The following USP37 variants were observed in gnomAD, a reference collection of about 807,000 sequenced individuals.
The protein encoded by USP37 is ubiquitin carboxyl-terminal hydrolase 37.
A neutral mutation model predicts 124.0 loss-of-function variants in USP37; 27 were observed. The observed-to-expected ratio is 0.22, with a 90% CI of 0.16 to 0.30. The LOEUF is 0.30. Among genes scored for constraint, USP37 ranks in the 10% least tolerant of loss-of-function variants. The pLI, the probability that USP37 is intolerant of heterozygous loss-of-function variation, is 1.00. For synonymous variants in USP37, 365 were observed against 388.0 expected, an observed-to-expected ratio of 0.94 and a Z score of 0.70; for missense variants, 889 against 1,140.4, an observed-to-expected ratio of 0.78 and a Z score of 3.17.
At chr2:218,490,089 C>A (rs144122429) in intron 14 of USP37, among the ~76,000 whole-genome samples, 9 of 152,134 alleles carry the variant, frequency 5.9e-5, no homozygotes, top group Non-Finnish European at 1.2e-4. Flanking sequence ...CAATGGCTCA[C>A]GCCTGTAATC....
At chr2:218,504,325 T>C (rs1574895840) in intron 11 of USP37, among the ~76,000 whole-genome samples, 2 of 152,246 alleles carry the variant, frequency 1.3e-5, no homozygotes, top group South Asian at 2.1e-4. Context: ...ATTTCTAGTA[T>C]GCAGCACAGA....
At position 218,485,738 on chromosome 2, in the gene USP37, T is replaced by C. The variant is rs1277314568; in HGVS notation, c.1596A>G (p.Glu532=). The change falls in exon 16 of 26, where the codon GAA becomes GAG. Residue 532 remains glutamate (E), a synonymous_variant. Transcript: ENST00000258399. ...QDSLDLFFRA[E]ELEYSCEKCG... ...ACTTCTCACAAGAATACTCCAGTTC[T>C]TCGGCCTATAAAAAGAAGGAAAAAT... 3.7e-6 allele frequency: 6 copies of C among 1,609,636 alleles called. No individual in the cohort carries two copies. Among genetic ancestry groups the C allele is most frequent in the Middle Eastern group, 1.7e-4 (1 of 6,046 alleles).
intron 5 of USP37, among the ~76,000 whole-genome samples, chr2:218,552,629 A>C (rs952287687): frequency 6.9e-6 from 1 of 144,306 alleles, no homozygotes; most frequent in African/African-American, 2.6e-5. Flanking sequence ...GAAAAGAAAA[A>C]GTGCCTGTAA....
chr2:218,532,466 CAAAAA>C (rs35277725), intron 9 of USP37, among the ~76,000 whole-genome samples: 3 of 115,398 alleles, frequency 2.6e-5, no homozygotes, highest in East Asian at 2.7e-4. Flanking sequence ...GACTCTGTCT[CAAAAA>C]AAAAAAAAAA....
chr2:218,533,435 C>T (rs1691447937), intron 9 of USP37, among the ~76,000 whole-genome samples: 1 of 152,140 alleles, frequency 6.6e-6, no homozygotes, highest in Non-Finnish European at 1.5e-5. Flanking sequence ...ACATTTAAAA[C>T]ATCTACGTTT....
chr2:218,521,936 G>A (rs189144635), intron 10 of USP37, among the ~76,000 whole-genome samples: 6 of 152,132 alleles, frequency 3.9e-5, no homozygotes, highest in East Asian at 3.9e-4. Context: ...GTGCAGTGGC[G>A]TGATCACAGC....
intron 11 of USP37, among the ~76,000 whole-genome samples, chr2:218,505,204 A>G (rs907332823): frequency 2.0e-5 from 3 of 151,968 alleles, no homozygotes; most frequent in African/African-American, 7.3e-5. Context: ...TTTTTTGTAG[A>G]GATGTGGTTT....
chr2:218,496,121 C>T (rs1559185890), intron 13 of USP37, among the ~76,000 whole-genome samples, 171 bp from the exon 14 acceptor site: 1 of 151,994 alleles, frequency 6.6e-6, no homozygotes, highest in Non-Finnish European at 1.5e-5. Flanking sequence ...TGGTGAAATG[C>T]CATCTTTATT....
chr2:218,486,632 A>T (rs1691577986), intron 15 of USP37, among the ~76,000 whole-genome samples: 1 of 152,144 alleles, frequency 6.6e-6, no homozygotes, highest in African/African-American at 2.4e-5. Flanking sequence ...CGTGTTGGCC[A>T]GGCTGGTATT....
rs185482417 is a variant in USP37 at position 218,523,816 on chromosome 2, C to T, written c.863+6140G>A. 4.6e-5 allele frequency among the ~76,000 whole-genome samples: 7 copies of T among 152,264 alleles called. No homozygotes were observed. In the East Asian group the frequency reaches 1.3e-3, roughly 29 times the overall value. ...TGCAAATTATGACAATTCTGTTTTT[C>T]CCCTTTCCAATCCCCAAACCTCTTT... On this transcript the variant is annotated intron_variant, in intron 10 of 25. Coordinates refer to ENST00000258399, the MANE Select transcript of USP37 (RefSeq NM_020935.3).
At chr2:218,465,865 T>C in intron 21 of USP37, 145 bp downstream of exon 21, 1 of 1,080,030 alleles carries the variant, frequency 9.3e-7, no homozygotes, top group Non-Finnish European at 1.3e-6. Flanking sequence ...CTCAAACAAG[T>C]CTTTTTTTTC....
chr2:218,566,502 G>C (rs574062877), intron 1 of USP37, among the ~76,000 whole-genome samples: 1 of 152,192 alleles, frequency 6.6e-6, no homozygotes, highest in African/African-American at 2.4e-5. Flanking sequence ...GTCATATATG[G>C]TTGGTTTGGG....
intron 1 of USP37, among the ~76,000 whole-genome samples, chr2:218,564,619 G>T (rs1693485224): frequency 2.0e-5 from 3 of 152,104 alleles, no homozygotes; most frequent in Admixed American, 1.3e-4. Flanking sequence ...TATGCACTAG[G>T]TATCTTCTTA....
chr2:218,517,107 G>A (rs1277620431), intron 10 of USP37, among the ~76,000 whole-genome samples: 1 of 152,136 alleles, frequency 6.6e-6, no homozygotes, highest in African/African-American at 2.4e-5. Flanking sequence ...CAATATTTGT[G>A]TACTCATGCA....
rs755297464 is a variant in USP37 at position 218,474,832 on chromosome 2, T to A, written c.2097A>T (p.Gly699=). 1.4e-5 allele frequency: 22 copies of A among 1,614,002 alleles called. No homozygotes were observed. In the South Asian group the frequency reaches 2.3e-4, roughly 17 times the overall value. ...EPDKSELENS[G]FDRMSEEELL... ...GCTCTTCTTCGCTCATTCTGTCAAA[T>A]CCTGAGTTTTCCAATTCAGACTTGT... is the stretch of plus-strand genomic sequence containing the variant. The change falls in exon 20 of 26, where the codon GGA becomes GGT. Residue 699 remains glycine, a synonymous_variant. Transcript: ENST00000258399.
In USP37 at chr2:218,549,879, A is replaced by T; in HGVS notation, c.359T>A (p.Phe120Tyr). 1 of 1,612,510 alleles carries T rather than the reference A, an allele frequency of 6.2e-7. No individual in the cohort carries two copies. The highest frequency in any genetic ancestry group is 1.7e-4 in the Middle Eastern group (1 of 6,058). The change falls in exon 6 of 26, where the codon TTT becomes TAT. Residue 120 changes from phenylalanine to tyrosine, a missense_variant. Around this residue, in one of 3 missense-constraint regions of USP37, gnomAD observed 374 missense variants for 386.0 expected, o/e 0.97. Transcript: ENST00000258399. ...AMKPSQGSGS[F>Y]GAILGSRTSQ... ...GGTCCTGCTGCCCAGAATGGCTCCA[A>T]AACTACCAGACCCCTGAGACGGTTT...
At chr2:218,497,217 T>C (rs1011654233) in intron 13 of USP37, among the ~76,000 whole-genome samples, 1 of 151,198 alleles carries the variant, frequency 6.6e-6, no homozygotes, top group Non-Finnish European at 1.5e-5. Context: ...ATTACAGGCA[T>C]GTGCCACCAT....
At chr2:218,505,916 G>A (rs1201179999) in intron 11 of USP37, among the ~76,000 whole-genome samples, 1 of 151,888 alleles carries the variant, frequency 6.6e-6, no homozygotes, top group African/African-American at 2.4e-5. Context: ...CCAGGCTGGA[G>A]TGCAGTGGAC....
intron 9 of USP37, among the ~76,000 whole-genome samples, chr2:218,533,695 C>T (rs796899558): frequency 1.4e-4 from 21 of 152,256 alleles, no homozygotes; most frequent in African/African-American, 5.1e-4. Flanking sequence ...AATCCCAAAC[C>T]ACTAAAAGAA....
Sources: gnomAD v4.1 joint callset for allele counts (sites outside exome capture counted in the v4.1 genomes callset) on GRCh38, gnomAD v4.1.1 for gene constraint, gnomAD v4.1.1 regional missense constraint, MANE v1.5 for transcripts, NCBI Gene and HGNC (gene_info 2026-07-23, HGNC 2026-07-21) for gene names.